The following SH3GLB2 variants were observed in gnomAD, a reference collection of about 807,000 sequenced individuals.
The protein encoded by SH3GLB2 is SH3 domain containing GRB2 like, endophilin B2.
In SH3GLB2, 24 loss-of-function variants were observed where a neutral mutation model predicts 48.0. The observed-to-expected ratio is 0.50, with a 90% CI of 0.36 to 0.70. The LOEUF (loss-of-function observed/expected upper bound fraction) is 0.70. Ranked by LOEUF, SH3GLB2 falls within the 30% of genes least tolerant of loss-of-function variation. The pLI is 0.00. For synonymous variants in SH3GLB2, 227 were observed against 207.6 expected (o/e 1.09, Z -0.80); for missense variants, 425 against 516.0 (o/e 0.82, Z 1.71).
chr9:129,027,564 T>G (rs1056525709), intron 1 of SH3GLB2, among the ~76,000 whole-genome samples: 1 of 151,876 alleles, frequency 6.6e-6, no homozygotes, highest in African/African-American at 2.4e-5. Flanking sequence ...GAAACAGACC[T>G]CCCGTGGAGC....
chr9:129,009,657 A>C, intron 9 of SH3GLB2, 114 bp downstream of exon 9: 1 of 1,370,088 alleles, frequency 7.3e-7, no homozygotes, highest in Non-Finnish European at 1.0e-6. Context: ...GTTCCAGCAG[A>C]GCCCTCCAAC....
intron 2 of SH3GLB2, among the ~76,000 whole-genome samples, chr9:129,021,444 A>AC (rs1843790131): frequency 6.6e-6 from 1 of 152,142 alleles, no homozygotes; most frequent in Admixed American, 6.5e-5. Context: ...ATGATTACAG[A>AC]CCATAATACA....
At chr9:129,022,004 G>C (rs1843837653) in intron 2 of SH3GLB2, among the ~76,000 whole-genome samples, 1 of 150,846 alleles carries the variant, frequency 6.6e-6, no homozygotes, top group Non-Finnish European at 1.5e-5. Flanking sequence ...CCAGGTGTGT[G>C]TTTTGCCTGC....
intron 3 of SH3GLB2, among the ~76,000 whole-genome samples, chr9:129,020,672 C>T (rs1374329469): frequency 6.6e-6 from 1 of 151,596 alleles, no homozygotes; most frequent in African/African-American, 2.4e-5. Flanking sequence ...TCGAGACCAT[C>T]CTGGCTAACA....
At chr9:129,027,737 T>A (rs1844244428) in intron 1 of SH3GLB2, among the ~76,000 whole-genome samples, 1 of 152,176 alleles carries the variant, frequency 6.6e-6, no homozygotes, top group Non-Finnish European at 1.5e-5. Flanking sequence ...CCCAGGTCGC[T>A]AAATGCCCCG....
chr9:129,021,651 C>T (rs911284220), intron 2 of SH3GLB2, among the ~76,000 whole-genome samples: 2 of 151,544 alleles, frequency 1.3e-5, no homozygotes, highest in Non-Finnish European at 2.9e-5. Context: ...CTGGGCCTTG[C>T]TGACCTCTTG....
intron 3 of SH3GLB2, 97 bp downstream of exon 3, chr9:129,020,994 G>T: frequency 1.6e-6 from 2 of 1,245,694 alleles, no homozygotes; most frequent in South Asian, 2.5e-5. Context: ...GGTATTATTT[G>T]TATAATTATT....
At chr9:129,020,109 G>A (rs941742974) in intron 3 of SH3GLB2, among the ~76,000 whole-genome samples, 1 of 148,142 alleles carries the variant, frequency 6.8e-6, no homozygotes, top group African/African-American at 2.5e-5. Context: ...GGGAGGCTGA[G>A]GCAGGAGAAT....
Position 129,012,305 on chromosome 9 carries a change from G to T in SH3GLB2, c.562-7C>A. 7.7e-7 allele frequency: 1 copy of T among 1,298,558 alleles called. No homozygotes were observed. Among genetic ancestry groups the T allele is most frequent in the Non-Finnish European group, 9.8e-7 (1 of 1,016,300 alleles). The allele number at this position is 1,298,558 out of a possible 1,614,324, so 80.4% of individuals were successfully genotyped here. A position where few individuals can be genotyped will look rare whatever the true frequency, so the allele number is the denominator to read the frequency against. ...CCTGAAAGTCAGGCACCGTCTGGCG[G>T]GGAACAGAGTTCATGTGGGGAGGGG... On this transcript the variant is annotated splice_polypyrimidine_tract_variant and splice_region_variant and intron_variant, in intron 5 of 10. Transcript: ENST00000372564.
intron 10 of SH3GLB2, 100 bp downstream of exon 10, chr9:129,009,006 T>C: frequency 1.2e-5 from 19 of 1,557,864 alleles, no homozygotes; most frequent in Non-Finnish European, 1.6e-5. Context: ...GGTCCCCACT[T>C]TGCCAACAGG....
chr9:129,016,813 A>G (rs1487858062), intron 3 of SH3GLB2, among the ~76,000 whole-genome samples: 1 of 152,156 alleles, frequency 6.6e-6, no homozygotes, highest in African/African-American at 2.4e-5. Flanking sequence ...TTTTATAATG[A>G]AAGAGTCAAT....
At chr9:129,026,425 C>T (rs893695770) in intron 1 of SH3GLB2, among the ~76,000 whole-genome samples, 23 of 152,210 alleles carry the variant, frequency 1.5e-4, no homozygotes, top group African/African-American at 5.3e-4. Context: ...CACTCTGCCC[C>T]AATCCTGCCA....
chr9:129,016,629 G>A (rs1004121017), intron 3 of SH3GLB2, among the ~76,000 whole-genome samples: 100 of 150,792 alleles, frequency 6.6e-4, no homozygotes, highest in African/African-American at 2.3e-3. Context: ...CTGCACTCCC[G>A]CCTGGGTGAC....
chr9:129,017,452 T>C (rs1843496861), intron 3 of SH3GLB2, among the ~76,000 whole-genome samples: 1 of 152,074 alleles, frequency 6.6e-6, no homozygotes, highest in East Asian at 1.9e-4. Flanking sequence ...TCTCAATAAA[T>C]TTAAAAGGAT....
chr9:129,023,397 C>G (rs1843941741), intron 1 of SH3GLB2, among the ~76,000 whole-genome samples: 1 of 152,172 alleles, frequency 6.6e-6, no homozygotes, highest in East Asian at 1.9e-4. Context: ...GAACACATGT[C>G]CCCATTTTCC....
chr9:129,024,124 A>T (rs965741729), intron 1 of SH3GLB2, among the ~76,000 whole-genome samples: 3 of 152,140 alleles, frequency 2.0e-5, no homozygotes, highest in Non-Finnish European at 2.9e-5. Context: ...TATCACCATC[A>T]TTAATGAAAA....
chr9:129,024,238 C>T (rs577221053), intron 1 of SH3GLB2, among the ~76,000 whole-genome samples: 2 of 132,776 alleles, frequency 1.5e-5, no homozygotes, highest in African/African-American at 3.0e-5. Context: ...CCTGGGCAAC[C>T]GTGAGACCTC....
chr9:129,008,019 T>C lies in SH3GLB2; in HGVS notation c.*665A>G, dbSNP rs568741322. 3.3e-5 allele frequency: 5 copies of C among 152,546 alleles called. No individual in the cohort carries two copies. The South Asian group carries it at 1.0e-3, about 32-fold the overall frequency. 9.4% of individuals were successfully genotyped at this position (152,546 alleles called of 1,614,324 possible). A position where few individuals can be genotyped will look rare whatever the true frequency, so the allele number is the denominator to read the frequency against. ...CTTTACCACCCTCAGGGCCAGGCCC[T>C]GACAGGAGCCCAGGTGACTCGCACA... On this transcript the variant is annotated 3_prime_UTR_variant, in exon 11 of 11. Coordinates refer to ENST00000372564, the MANE Select transcript of SH3GLB2 (RefSeq NM_020145.4).
chr9:129,013,090 A>G (rs551065760), intron 5 of SH3GLB2: 43 of 1,536,758 alleles, frequency 2.8e-5, no homozygotes, highest in Non-Finnish European at 3.8e-5. Context: ...CAGCGCAGGC[A>G]GGAGCAGGCC....
Sources: allele counts gnomAD v4.1 joint callset (sites outside exome capture counted in the v4.1 genomes callset), GRCh38; gene constraint gnomAD v4.1.1; transcripts MANE v1.5; gene names NCBI Gene and HGNC (gene_info 2026-07-23, HGNC 2026-07-21).